Variants in CALY observed in about 807,000 individuals in gnomAD.
CALY encodes the protein calcyon neuron specific vesicular protein.
Under a neutral mutation model 20.2 loss-of-function variants are expected in CALY, and 15 were observed. The observed-to-expected ratio is 0.74, with a 90% confidence interval of 0.50 to 1.14. CALY has a LOEUF of 1.14. Among genes scored for constraint, CALY ranks in the 50% most tolerant of loss-of-function variants. The probability of loss-of-function intolerance (pLI) is 0.00; values close to 1 mark genes in which losing one functional copy is unlikely to be tolerated. For synonymous variants in CALY, 129 were observed against 131.8 expected, an observed-to-expected ratio of 0.98 and a Z score of 0.15; for missense variants, 270 against 304.4, an observed-to-expected ratio of 0.89 and a Z score of 0.84.
rs748142791 is a variant in CALY at position 133,328,953 on chromosome 10, C to T, written c.37G>A (p.Gly13Ser). 3.8e-6 allele frequency: 6 copies of T among 1,564,976 alleles called. No individual in the cohort carries two copies. Among genetic ancestry groups the T allele is most frequent in the Non-Finnish European group, 2.6e-6 (3 of 1,153,710 alleles). ...CCATCCTGGTCCCCAGGGTCTTTAC[C>T]TGGCTTCCCAGAGAAGCTGCAGCCC... The part of the protein sequence containing the change: ...KLGCSFSGKP[G>S]KDPGDQDGAA... Residue 13 changes from glycine (G) to serine (S), a missense_variant, in exon 2 of 6, where the codon GGT becomes AGT. Coordinates refer to ENST00000252939, the MANE Select transcript of CALY (RefSeq NM_015722.4).
chr10:133,326,097 G>T lies in CALY; in HGVS notation c.384C>A (p.Thr128=). 1.3e-6 allele frequency: 2 copies of T among 1,597,856 alleles called. No individual in the cohort carries two copies. The highest frequency in any genetic ancestry group is 8.6e-7 in the Non-Finnish European group (1 of 1,169,252). The change falls in exon 5 of 6, where the codon ACC becomes ACA. Residue 128 remains threonine, a synonymous_variant. Coordinates refer to ENST00000252939, the MANE Select transcript of CALY (RefSeq NM_015722.4). ...CCATCTCCGTGTAGTACATCTCCAG[G>T]GTCAGCGGCGTGCAGATCTTGTGCT... ...LLRHKICTPL[T]LEMYYTEMDP... is the part of the protein sequence containing the mutation.
rs1848172758 is a variant in CALY, at chr10:133,324,557, CAA to C, written c.*1036_*1037del. The C allele has an allele frequency of 2.0e-5, 5 of 245,926 alleles. No individual in the cohort carries two copies. The highest frequency in any genetic ancestry group is 6.2e-5 in the Admixed American group (1 of 16,260). 15.2% of individuals were successfully genotyped at this position (245,926 alleles called of 1,614,324 possible). A position where few individuals can be genotyped will look rare whatever the true frequency, so the allele number is the denominator to read the frequency against. ...TGGGGTGGGCGGGGCTGCAGTGCTG[CAA>C]TTGGCTGGGGTGGGCGGGGCTGCAG... On this transcript the variant is annotated 3_prime_UTR_variant, in exon 6 of 6. Coordinates refer to ENST00000252939, the MANE Select transcript of CALY (RefSeq NM_015722.4).
At chr10:133,335,627 C>G (rs1311007253) in intron 1 of CALY, among the ~76,000 whole-genome samples, 1 of 152,198 alleles carries the variant, frequency 6.6e-6, no homozygotes, top group African/African-American at 2.4e-5. Flanking sequence ...GGGTCCAACC[C>G]CCCCACCCCA....
At chr10:133,330,825 C>T (rs112109427) in intron 1 of CALY, among the ~76,000 whole-genome samples, 3 of 151,572 alleles carry the variant, frequency 2.0e-5, no homozygotes, top group Non-Finnish European at 4.4e-5. Context: ...CTGAGGCCAA[C>T]GTAGCCTCAG....
In CALY at chr10:133,324,676, G is replaced by C; in HGVS notation, c.*919C>G. The C allele has an allele frequency of 2.8e-6, 1 of 361,582 alleles. No individual in the cohort carries two copies. Among genetic ancestry groups the C allele is most frequent in the Non-Finnish European group, 5.4e-6 (1 of 184,296 alleles). 22.4% of individuals were successfully genotyped at this position (361,582 alleles called of 1,614,324 possible). On this transcript the variant is annotated 3_prime_UTR_variant, in exon 6 of 6. Transcript: ENST00000252939. The stretch of plus-strand genomic sequence containing the variant: ...AGCTGCTGCTGGCTGGGGTGGTGCA[G>C]GTGGTGGGTGAGATCTGCCGGAAGT...
At position 133,327,922 on chromosome 10, in the gene CALY, G is replaced by T; in HGVS notation, c.229C>A (p.Pro77Thr). Residue 77 changes from proline (P) to threonine (T), a missense_variant, in exon 3 of 6, where the codon CCA (proline) becomes ACA (threonine). Pro to Thr is a conservative substitution (Grantham distance 38). Transcript: ENST00000252939. Reference sequence around the variant, plus strand: ...GTGGTTACCCTGCGCCCTTCCTCTGGGTGGCTGCAGTTCAGCCTCTGGCCC... The same window carrying T: ...GTGGTTACCCTGCGCCCTTCCTCTGTGTGGCTGCAGTTCAGCCTCTGGCCC... ...LEGQRLNCSH[P>T]EEGRRLPTAR... The T allele has an allele frequency of 6.2e-7, 1 of 1,611,654 alleles. No individual in the cohort carries two copies. Among genetic ancestry groups the T allele is most frequent in the Non-Finnish European group, 8.5e-7 (1 of 1,178,446 alleles).
Position 133,324,741 on chromosome 10 carries a change from CTGGGGT to C in CALY, c.*848_*853del. 3.7e-5 allele frequency: 1 copy of C among 26,792 alleles called. No individual in the cohort carries two copies. The highest frequency in any genetic ancestry group is 8.9e-4 in the East Asian group (1 of 1,126). 1.7% of individuals were successfully genotyped at this position (26,792 alleles called of 1,614,324 possible). Reference sequence around the variant, plus strand: ...GTTCAGTGCCGGGAGTTGGCTGGGGCTGGGGTGGGGATGCTGGGGCTGGGGTGGGGA... The same window carrying C: ...GTTCAGTGCCGGGAGTTGGCTGGGGCGGGGATGCTGGGGCTGGGGTGGGGA... On this transcript the variant is annotated 3_prime_UTR_variant, in exon 6 of 6. Transcript: ENST00000252939.
intron 1 of CALY, among the ~76,000 whole-genome samples, chr10:133,329,880 C>T (rs886988394): frequency 3.0e-4 from 45 of 152,238 alleles, no homozygotes; most frequent in Non-Finnish European, 1.2e-4. Flanking sequence ...CGGCTCTCTG[C>T]CAGAGACGCA....
chr10:133,328,075 G>A (rs1299573063), intron 2 of CALY, 60 bp from the exon 3 acceptor site: 4 of 985,942 alleles, frequency 4.1e-6, no homozygotes, highest in South Asian at 2.7e-5. Flanking sequence ...AGAGAGCCCT[G>A]AACTGAGAGG....
At position 133,326,112 on chromosome 10, in the gene CALY, G is replaced by A. The variant is rs759972266; in HGVS notation, c.369C>T (p.Ile123=). ...ACATCTCCAGGGTCAGCGGCGTGCA[G>A]ATCTTGTGCTGCGGGAGGGGCCGGG... ...CPDGFLLRHK[I]CTPLTLEMYY... The change falls in exon 5 of 6, where the codon ATC becomes ATT. Residue 123 remains isoleucine (I), a synonymous_variant. Transcript: ENST00000252939. 7.1e-5 allele frequency: 114 copies of A among 1,595,960 alleles called. No homozygotes were observed. The highest frequency in any genetic ancestry group is 3.0e-4 in the South Asian group (27 of 89,776).
chr10:133,335,968 T>C (rs1323811405), intron 1 of CALY, among the ~76,000 whole-genome samples: 1 of 152,104 alleles, frequency 6.6e-6, no homozygotes, highest in African/African-American at 2.4e-5. Flanking sequence ...GAAGCTCGGC[T>C]GGAGGTCACG....
At chr10:133,332,885 G>A (rs113917758) in intron 1 of CALY, among the ~76,000 whole-genome samples, 94 of 152,288 alleles carry the variant, frequency 6.2e-4, no homozygotes, top group African/African-American at 1.7e-3. Context: ...CCAGAAGCTG[G>A]AGGAAGCAAG....
chr10:133,334,569 A>AG (rs1196743158), intron 1 of CALY, among the ~76,000 whole-genome samples: 3 of 27,642 alleles, frequency 1.1e-4, no homozygotes, highest in African/African-American at 3.1e-4. Context: ...GGAGGCTCTG[A>AG]GGGGGAAGGA....
chr10:133,328,166 C>T (rs1380273548), intron 2 of CALY, 151 bp from the exon 3 acceptor site: 11 of 628,918 alleles, frequency 1.7e-5, no homozygotes, highest in African/African-American at 5.5e-5. Flanking sequence ...TGGCAGGGCT[C>T]CAGCAGCCAC....
At chr10:133,333,692 G>C (rs536452485) in intron 1 of CALY, among the ~76,000 whole-genome samples, 3 of 145,930 alleles carry the variant, frequency 2.1e-5, no homozygotes, top group African/African-American at 5.1e-5. Context: ...GGCTCTGAGG[G>C]GGAAAGAAAG....
At position 133,324,747 on chromosome 10, in the gene CALY, TGGGGATGCTGGGGCTG is replaced by T; in HGVS notation, c.*832_*847del. 2.0e-4 allele frequency: 1 copy of T among 4,948 alleles called. No individual in the cohort carries two copies. The highest frequency in any genetic ancestry group is 4.0e-4 in the Non-Finnish European group (1 of 2,520). 0.3% of individuals were successfully genotyped at this position (4,948 alleles called of 1,614,324 possible). On this transcript the variant is annotated 3_prime_UTR_variant, in exon 6 of 6. Transcript: ENST00000252939. ...TGCCGGGAGTTGGCTGGGGCTGGGG[TGGGGATGCTGGGGCTG>T]GGGTGGGGATGCTGGGGCTGGGGTG...
At chr10:133,331,288 G>A (rs1203042090) in intron 1 of CALY, among the ~76,000 whole-genome samples, 4 of 152,150 alleles carry the variant, frequency 2.6e-5, no homozygotes, top group Non-Finnish European at 5.9e-5. Flanking sequence ...CTGTAGGGCA[G>A]GACAAAGAAA....
intron 1 of CALY, among the ~76,000 whole-genome samples, chr10:133,336,399 C>T (rs952069818): frequency 2.6e-5 from 4 of 151,532 alleles, no homozygotes; most frequent in Non-Finnish European, 4.4e-5. Context: ...AGCGGCTCCT[C>T]GGTGCTCTGG....
In CALY at chr10:133,327,908, G is replaced by A. The variant is rs1848240725; in HGVS notation, c.243C>T (p.Arg81=). Residue 81 remains arginine (R), a synonymous_variant, in exon 3 of 6, where the codon CGC becomes CGT. Transcript: ENST00000252939. Reference sequence around the variant, plus strand: ...TGGGTGGGGTGGGTGTGGTTACCCTGCGCCCTTCCTCTGGGTGGCTGCAGT... The same window carrying A: ...TGGGTGGGGTGGGTGTGGTTACCCTACGCCCTTCCTCTGGGTGGCTGCAGT... ...RLNCSHPEEG[R]RLPTARMIAF... 6.2e-7 allele frequency: 1 copy of A among 1,607,024 alleles called. No homozygotes were observed. The highest frequency in any genetic ancestry group is 8.5e-7 in the Non-Finnish European group (1 of 1,174,558).
Sources: allele counts gnomAD v4.1 joint callset (sites outside exome capture counted in the v4.1 genomes callset), GRCh38; gene constraint gnomAD v4.1.1; transcripts MANE v1.5; gene names NCBI Gene and HGNC (gene_info 2026-07-23, HGNC 2026-07-21).